The following XRN2 variants were observed in gnomAD, a reference collection of about 807,000 sequenced individuals.
XRN2 encodes the protein DHM1-like protein.
In XRN2, 44 loss-of-function variants were observed where a neutral mutation model predicts 138.5. The ratio of observed to expected loss-of-function variants is 0.32; its 90% confidence interval spans 0.25 to 0.41. The LOEUF is 0.41. Among genes scored for constraint, XRN2 ranks in the 10% least tolerant of loss-of-function variants. The pLI is 1.00. For synonymous variants in XRN2, 354 were observed against 369.4 expected (o/e 0.96, Z 0.48); for missense variants, 937 against 1,169.3 (o/e 0.80, Z 2.90).
intron 27 of XRN2, among the ~76,000 whole-genome samples, chr20:21,371,185 C>T (rs991461602): frequency 6.6e-6 from 1 of 152,172 alleles, no homozygotes; most frequent in Non-Finnish European, 1.5e-5. Flanking sequence ...GTACTATGCA[C>T]CTAGCACTGT....
chr20:21,348,978 CTTTAA>C (rs1021552898), intron 19 of XRN2, among the ~76,000 whole-genome samples: 22 of 152,024 alleles, frequency 1.4e-4, no homozygotes, highest in African/African-American at 4.3e-4. Context: ...ACCTGTAAGT[CTTTAA>C]TTTTATTTGT....
At chr20:21,339,266 T>A (rs374291938) in intron 14 of XRN2, among the ~76,000 whole-genome samples, 178 bp downstream of exon 14, 75 of 152,332 alleles carry the variant, frequency 4.9e-4, no homozygotes, top group African/African-American at 1.8e-3. Flanking sequence ...AAGAAGGTCC[T>A]CTAGGCTCTG....
At chr20:21,385,865 TAA>T (rs1221454883) in intron 28 of XRN2, among the ~76,000 whole-genome samples, 2 of 152,216 alleles carry the variant, frequency 1.3e-5, no homozygotes, top group Admixed American at 1.3e-4. Flanking sequence ...TCAGTGAATT[TAA>T]AGTTTTATTG....
chr20:21,371,674 A>G (rs148715053), intron 27 of XRN2, among the ~76,000 whole-genome samples: 4 of 152,368 alleles, frequency 2.6e-5, no homozygotes, highest in Non-Finnish European at 5.9e-5. Flanking sequence ...TTACTGACAC[A>G]TTCCTTATCA....
chr20:21,375,065 A>G (rs1600716911), intron 27 of XRN2, among the ~76,000 whole-genome samples: 1 of 123,988 alleles, frequency 8.1e-6, no homozygotes, highest in East Asian at 2.3e-4. Context: ...TAAAATTTCA[A>G]ATTTATTGCC....
chr20:21,333,941 A>C lies in XRN2; in HGVS notation c.1072A>C (p.Asn358His), dbSNP rs201037242. ...ATGTTTGTCTCTTGCTGACAGGGAA[A>C]ATGCAATTGACCGTTTGGTTAACAT... ...PHLPSLEIRE[N>H]AIDRLVNIYK... is the part of the protein sequence containing the mutation. The change falls in exon 12 of 30, where the codon AAT (asparagine) becomes CAT (histidine). Residue 358 changes from asparagine to histidine, a missense_variant. Around this residue, in one of 6 missense-constraint regions of XRN2, gnomAD observed 471 missense variants for 581.2 expected, o/e 0.81. Transcript: ENST00000377191. The C allele has an allele frequency of 6.2e-7, 1 of 1,614,126 alleles. No individual in the cohort carries two copies. The highest frequency in any genetic ancestry group is 8.5e-7 in the Non-Finnish European group (1 of 1,179,998).
chr20:21,368,686 C>A, intron 27 of XRN2, 96 bp downstream of exon 27: 1 of 1,469,498 alleles, frequency 6.8e-7, no homozygotes. Flanking sequence ...TTTGTTGTAT[C>A]AGTGCAGACA....
At chr20:21,378,196 C>A (rs2038846754) in intron 27 of XRN2, among the ~76,000 whole-genome samples, 1 of 152,168 alleles carries the variant, frequency 6.6e-6, no homozygotes, top group South Asian at 2.1e-4. Context: ...TGTTATTTTT[C>A]TTTCCTATCC....
At chr20:21,326,703 A>G (rs2038133837) in intron 3 of XRN2, 102 bp downstream of exon 3, 2 of 907,112 alleles carry the variant, frequency 2.2e-6, no homozygotes, top group African/African-American at 3.4e-5. Context: ...GTTGACAGTG[A>G]TGAACTTGAG....
At chr20:21,352,877 G>T (rs2038526703) in intron 20 of XRN2, among the ~76,000 whole-genome samples, 1 of 152,006 alleles carries the variant, frequency 6.6e-6, no homozygotes, top group Non-Finnish European at 1.5e-5. Flanking sequence ...GGTATTGAAA[G>T]AATTCAGTGA....
At chr20:21,352,783 G>A (rs2038525649) in intron 20 of XRN2, among the ~76,000 whole-genome samples, 2 of 152,140 alleles carry the variant, frequency 1.3e-5, no homozygotes, top group South Asian at 4.1e-4. Flanking sequence ...GTTAAGACCT[G>A]AACTCAGAAA....
At chr20:21,351,557 G>A (rs1217576763) in intron 20 of XRN2, among the ~76,000 whole-genome samples, 2 of 152,146 alleles carry the variant, frequency 1.3e-5, no homozygotes, top group Non-Finnish European at 2.9e-5. Flanking sequence ...TTCACCCTGT[G>A]ATGATGTCCT....
Position 21,303,809 on chromosome 20 carries a change from G to C in XRN2, c.75+336G>C, listed in dbSNP as rs1600663665. 3 of 1,081,608 alleles carry C rather than the reference G, an allele frequency of 2.8e-6. No homozygotes were observed. The East Asian group carries it at 2.0e-4, about 73-fold the overall frequency. The allele number at this position is 1,081,608 out of a possible 1,614,324, so 67.0% of individuals were successfully genotyped here. On this transcript the variant is annotated intron_variant, in intron 1 of 29. Transcript: ENST00000377191. ...TCCAGACCGCGCATTTTGGGTCTCG[G>C]AAGAGGTTCAGAGGCTGTTGTTGAG...
intron 27 of XRN2, among the ~76,000 whole-genome samples, chr20:21,372,084 G>A (rs1394437348): frequency 3.3e-5 from 5 of 152,212 alleles, no homozygotes; most frequent in East Asian, 1.9e-4. Context: ...TTTCAGTTAC[G>A]TCATGAAAAA....
intron 20 of XRN2, among the ~76,000 whole-genome samples, chr20:21,352,331 AT>A (rs1177436270): frequency 1.1e-3 from 167 of 146,342 alleles, no homozygotes; most frequent in Middle Eastern, 3.5e-3. Flanking sequence ...ATTATATGTA[AT>A]TTTTTTTTTT....
intron 27 of XRN2, among the ~76,000 whole-genome samples, chr20:21,378,268 A>AC (rs2038847507): frequency 1.3e-5 from 2 of 151,982 alleles, no homozygotes; most frequent in South Asian, 2.1e-4. Flanking sequence ...TAGTTGTTAA[A>AC]CCCCCCATCC....
rs1159085666 is a variant in XRN2, at chr20:21,379,186, A to G, written c.2585-2808A>G. On this transcript the variant is annotated intron_variant, in intron 27 of 29. Coordinates refer to ENST00000377191, the MANE Select transcript of XRN2 (RefSeq NM_012255.5). ...CTCTAGAAAAGGGATAAGTTTTTAA[A>G]GACCAAAGGAAAAAATTTTCCACTC... Among the ~76,000 whole-genome samples the G allele has an allele frequency of 2.0e-5, 3 of 152,238 alleles. No homozygotes were observed. In the East Asian group the frequency reaches 5.8e-4, roughly 29 times the overall value.
chr20:21,348,744 C>T lies in XRN2; in HGVS notation c.1863+314C>T, dbSNP rs181676263. Among the ~76,000 whole-genome samples the T allele has an allele frequency of 2.9e-3, 434 of 152,130 alleles. 2 individuals carry two copies. Among genetic ancestry groups the T allele is most frequent in the African/African-American group, 0.01 (420 of 41,488 alleles). ...CTACAAGCTCTGCCTCCCGGGTTCA[C>T]GCCATTCTCCTGCCTCAGCCTCCTG... On this transcript the variant is annotated intron_variant, in intron 19 of 29. Coordinates refer to ENST00000377191, the MANE Select transcript of XRN2 (RefSeq NM_012255.5).
chr20:21,337,134 GA>G (rs2038306030), intron 13 of XRN2, among the ~76,000 whole-genome samples: 1 of 152,184 alleles, frequency 6.6e-6, no homozygotes, highest in African/African-American at 2.4e-5. Flanking sequence ...GTTTTGAGTA[GA>G]AAAGTGACAA....
Sources: allele counts gnomAD v4.1 joint callset (sites outside exome capture counted in the v4.1 genomes callset), GRCh38; gene constraint gnomAD v4.1.1; regional missense constraint gnomAD v4.1.1; transcripts MANE v1.5; gene names NCBI Gene and HGNC (gene_info 2026-07-23, HGNC 2026-07-21).